ADAMTS12: variants seen among roughly 807,000 people sequenced by gnomAD.
ADAMTS12 encodes ADAM metallopeptidase with thrombospondin type 1 motif 12.
A neutral mutation model predicts 167.8 loss-of-function variants in ADAMTS12; 118 were observed. The observed-to-expected ratio is 0.70, with a 90% confidence interval of 0.61 to 0.82. ADAMTS12 has a LOEUF of 0.82. Among genes scored for constraint, ADAMTS12 ranks in the 40% least tolerant of loss-of-function variants. The probability of loss-of-function intolerance (pLI) is 0.00; values close to 1 mark genes in which losing one functional copy is unlikely to be tolerated. For synonymous variants in ADAMTS12, 704 were observed against 716.9 expected, an observed-to-expected ratio of 0.98 and a Z score of 0.29; for missense variants, 1,916 against 1,998.8, an observed-to-expected ratio of 0.96 and a Z score of 0.79.
At chr5:33,708,895 T>C (rs1479897986) in intron 3 of ADAMTS12, among the ~76,000 whole-genome samples, 2 of 151,852 alleles carry the variant, frequency 1.3e-5, no homozygotes, top group African/African-American at 4.8e-5. Context: ...TGTATACCTA[T>C]ATAACAAACC....
At chr5:33,746,344 A>G (rs57734403) in intron 3 of ADAMTS12, among the ~76,000 whole-genome samples, 7,143 of 152,282 alleles carry the variant, frequency 0.047, 590 homozygotes, top group African/African-American at 0.16. Context: ...CTTTGTTCTG[A>G]TTTATCAGAT....
rs376641552 is a variant in ADAMTS12 at position 33,799,666 on chromosome 5, C to T, written c.490-48118G>A. ...TGTAAACCCTCTAGTCCGATGCTGA[C>T]ACATTGTACTGTATGTGCTTAATTA... On this transcript the variant is annotated intron_variant, in intron 2 of 23. Coordinates refer to ENST00000504830, the MANE Select transcript of ADAMTS12 (RefSeq NM_030955.4). Among the ~76,000 whole-genome samples the T allele has an allele frequency of 6.6e-5, 10 of 152,360 alleles. No homozygotes were observed. In the East Asian group the frequency reaches 1.2e-3, roughly 18 times the overall value.
rs1406656957 is a variant in ADAMTS12 at position 33,649,015 on chromosome 5, A to C, written c.1335-49T>G. 3 of 1,595,490 alleles carry C rather than the reference A, an allele frequency of 1.9e-6. No individual in the cohort carries two copies. In the Admixed American group the frequency reaches 5.2e-5, roughly 28 times the overall value. On this transcript the variant is annotated intron_variant, in intron 8 of 23. Transcript: ENST00000504830. ...AGAGGAGTTGTTTAGGATTCCCTTTACCTTCAGCCTTTCATTCAACAGAAA... is the reference window on the plus strand; with the variant it reads ...AGAGGAGTTGTTTAGGATTCCCTTTCCCTTCAGCCTTTCATTCAACAGAAA...
chr5:33,660,313 G>C (rs116948061), intron 6 of ADAMTS12, among the ~76,000 whole-genome samples: 2 of 152,148 alleles, frequency 1.3e-5, no homozygotes, highest in Admixed American at 1.3e-4. Context: ...AATTGTACCC[G>C]TTAACAGCAA....
intron 19 of ADAMTS12, among the ~76,000 whole-genome samples, chr5:33,569,559 C>T: frequency 6.6e-6 from 1 of 152,182 alleles, no homozygotes; most frequent in Non-Finnish European, 1.5e-5. Context: ...GGAAAACTAA[C>T]AAACAGAAAG....
chr5:33,757,428 G>A (rs1334408264), intron 2 of ADAMTS12, among the ~76,000 whole-genome samples: 1 of 152,224 alleles, frequency 6.6e-6, no homozygotes, highest in African/African-American at 2.4e-5. Flanking sequence ...TGTTCTAGCA[G>A]GAACCACGGA....
At chr5:33,857,745 G>T (rs145349292) in intron 2 of ADAMTS12, among the ~76,000 whole-genome samples, 1 of 152,334 alleles carries the variant, frequency 6.6e-6, no homozygotes, top group East Asian at 1.9e-4. Context: ...AAAGGAAACT[G>T]CCAGAGACAG....
At chr5:33,785,484 C>T (rs1290673992) in intron 2 of ADAMTS12, among the ~76,000 whole-genome samples, 2 of 151,810 alleles carry the variant, frequency 1.3e-5, no homozygotes, top group East Asian at 3.8e-4. Context: ...TGTGTGTGTG[C>T]ATGTATGCTC....
chr5:33,729,527 G>A (rs1265038468), intron 3 of ADAMTS12, among the ~76,000 whole-genome samples: 2 of 152,186 alleles, frequency 1.3e-5, no homozygotes, highest in African/African-American at 4.8e-5. Flanking sequence ...AGACCTAACT[G>A]GCTTTGTCTG....
intron 2 of ADAMTS12, among the ~76,000 whole-genome samples, chr5:33,803,627 C>T (rs1428388357): frequency 6.6e-6 from 1 of 152,194 alleles, no homozygotes; most frequent in East Asian, 1.9e-4. Flanking sequence ...CTAATAAAGG[C>T]ATACCCAAGA....
chr5:33,576,150 A>G lies in ADAMTS12; in HGVS notation c.3876T>C (p.Ser1292=), dbSNP rs771965526. Residue 1292 remains serine (S), a synonymous_variant, in exon 19 of 24, where the codon AGT becomes AGC. Transcript: ENST00000504830. ...TTAGCAAAAAGCCCTCAGTAATCAG[A>G]CTTGTTGCATCCTCCTCAGTCAGGA... ...EPVLTEEDAT[S]LITEGFLLNA... The G allele has an allele frequency of 6.2e-7, 1 of 1,614,044 alleles. No homozygotes were observed. Among genetic ancestry groups the G allele is most frequent in the Non-Finnish European group, 8.5e-7 (1 of 1,180,006 alleles).
At position 33,869,438 on chromosome 5, in the gene ADAMTS12, T is replaced by A. The variant is rs531340677; in HGVS notation, c.489+11681A>T. Among the ~76,000 whole-genome samples, 5 of 152,048 alleles carry A rather than the reference T, an allele frequency of 3.3e-5. No homozygotes were observed. The East Asian group carries it at 9.7e-4, about 30-fold the overall frequency. On this transcript the variant is annotated intron_variant, in intron 2 of 23. Transcript: ENST00000504830. ...TCATGGAGATCCTCTGGTAGGGCAATGCAGAGGGGAAATGTGTGGCTGGAA... is the reference window on the plus strand; with the variant it reads ...TCATGGAGATCCTCTGGTAGGGCAAAGCAGAGGGGAAATGTGTGGCTGGAA...
At chr5:33,717,158 G>A (rs1352662925) in intron 3 of ADAMTS12, among the ~76,000 whole-genome samples, 2 of 151,568 alleles carry the variant, frequency 1.3e-5, no homozygotes, top group Non-Finnish European at 2.9e-5. Flanking sequence ...CTTGTCACAG[G>A]AGAGAGGTGT....
intron 13 of ADAMTS12, among the ~76,000 whole-genome samples, chr5:33,624,897 C>A (rs943072506): frequency 1.3e-5 from 2 of 152,194 alleles, no homozygotes; most frequent in African/African-American, 2.4e-5. Flanking sequence ...TGTTTGGGAA[C>A]AATTGTGTCC....
At chr5:33,529,831 A>G (rs1744008662) in intron 23 of ADAMTS12, among the ~76,000 whole-genome samples, 1 of 152,166 alleles carries the variant, frequency 6.6e-6, no homozygotes, top group Non-Finnish European at 1.5e-5. Flanking sequence ...TTCCTTCTTC[A>G]GGCCTCTTCT....
At chr5:33,817,611 C>T (rs954157544) in intron 2 of ADAMTS12, among the ~76,000 whole-genome samples, 5 of 152,116 alleles carry the variant, frequency 3.3e-5, no homozygotes, top group Non-Finnish European at 7.4e-5. Context: ...CCCACTTCCC[C>T]CAAACCACAT....
At position 33,529,989 on chromosome 5, in the gene ADAMTS12, G is replaced by A. The variant is rs182452476; in HGVS notation, c.4607-2623C>T. Reference sequence around the variant, plus strand: ...GGCTGGAGTGCAGTGGCACAATCTCGGCTCACTGCAACCTCTGCCTCCCGG... The same window carrying A: ...GGCTGGAGTGCAGTGGCACAATCTCAGCTCACTGCAACCTCTGCCTCCCGG... On this transcript the variant is annotated intron_variant, in intron 23 of 23. Coordinates refer to ENST00000504830, the MANE Select transcript of ADAMTS12 (RefSeq NM_030955.4). Among the ~76,000 whole-genome samples, 1,172 of 152,172 alleles carry A rather than the reference G, an allele frequency of 7.7e-3. 5 individuals are homozygous for A. The highest frequency in any genetic ancestry group is 0.011 in the Non-Finnish European group (754 of 68,004).
intron 2 of ADAMTS12, among the ~76,000 whole-genome samples, chr5:33,762,386 C>T (rs952763631): frequency 1.4e-5 from 2 of 145,484 alleles, no homozygotes; most frequent in South Asian, 2.3e-4. Flanking sequence ...CGGGCGCCTG[C>T]AGTCCCAGCT....
chr5:33,862,196 GAT>G (rs1749643765), intron 2 of ADAMTS12, among the ~76,000 whole-genome samples: 1 of 152,068 alleles, frequency 6.6e-6, no homozygotes, highest in African/African-American at 2.4e-5. Flanking sequence ...AATTGAAAAA[GAT>G]AGAGACATGA....
Sources: allele counts gnomAD v4.1 joint callset (sites outside exome capture counted in the v4.1 genomes callset), GRCh38; gene constraint gnomAD v4.1.1; transcripts MANE v1.5; gene names NCBI Gene and HGNC (gene_info 2026-07-23, HGNC 2026-07-21).